The following TANC1 variants were observed in gnomAD, a reference collection of about 807,000 sequenced individuals.
TANC1 encodes the protein tetratricopeptide repeat, ankyrin repeat and coiled-coil containing 1.
A neutral mutation model predicts 149.7 loss-of-function variants in TANC1; 77 were observed. The observed-to-expected ratio is 0.51, with a 90% CI of 0.43 to 0.62. The LOEUF is 0.62. TANC1 is among the 20% of genes least tolerant of loss of function. The pLI is 0.00. For missense variants in TANC1, 1,985 were observed against 2,321.8 expected (o/e 0.85, Z 2.98); for synonymous variants, 854 against 925.0 (o/e 0.92, Z 1.39).
At chr2:158,997,808 T>C (rs1457702890) in intron 1 of TANC1, among the ~76,000 whole-genome samples, 1 of 152,192 alleles carries the variant, frequency 6.6e-6, no homozygotes, top group Non-Finnish European at 1.5e-5. Context: ...TTTCGAGTAA[T>C]GTTTGCAGAT....
At chr2:159,150,793 AGGAATTCCAGATCAGATCTGGCCTGTG>A in intron 7 of TANC1, 1 of 416,900 alleles carries the variant, frequency 2.4e-6, no homozygotes, top group Non-Finnish European at 4.3e-6. Context: ...AAAAAAAAAA[AGGAATTCCAGATCAGATCTGGCCTGTG>A]AAACAAAAAT....
At chr2:159,018,601 T>C (rs1477073624) in intron 2 of TANC1, among the ~76,000 whole-genome samples, 4 of 152,232 alleles carry the variant, frequency 2.6e-5, no homozygotes, top group Admixed American at 2.6e-4. Flanking sequence ...CCAGAACTTT[T>C]TTATCACCCC....
chr2:159,061,704 C>T (rs1003914241), intron 2 of TANC1, among the ~76,000 whole-genome samples: 5 of 152,142 alleles, frequency 3.3e-5, no homozygotes, highest in African/African-American at 9.7e-5. Flanking sequence ...GGGTGTCAGC[C>T]ATGAACTTTG....
chr2:159,023,060 T>C (rs1222576706), intron 2 of TANC1, among the ~76,000 whole-genome samples: 1 of 152,190 alleles, frequency 6.6e-6, no homozygotes, highest in African/African-American at 2.4e-5. Context: ...CATAATGGGA[T>C]GAGTGGCATA....
intron 3 of TANC1, among the ~76,000 whole-genome samples, chr2:159,090,817 A>G (rs1242662143): frequency 6.6e-6 from 1 of 152,204 alleles, no homozygotes; most frequent in Non-Finnish European, 1.5e-5. Context: ...AATGTCCAGT[A>G]CCCACGGAGA....
intron 1 of TANC1, among the ~76,000 whole-genome samples, chr2:158,990,307 A>G (rs993126448): frequency 1.3e-5 from 2 of 152,222 alleles, no homozygotes; most frequent in African/African-American, 4.8e-5. Flanking sequence ...CTAGCACATA[A>G]TAGATGTTCA....
At chr2:159,116,936 C>T (rs2048326616) in intron 4 of TANC1, among the ~76,000 whole-genome samples, 1 of 152,202 alleles carries the variant, frequency 6.6e-6, no homozygotes, top group African/African-American at 2.4e-5. Context: ...ATTTGAACTT[C>T]AGTCTAATTC....
intron 2 of TANC1, among the ~76,000 whole-genome samples, chr2:159,028,827 C>G (rs1442745439): frequency 6.6e-6 from 1 of 152,206 alleles, no homozygotes; most frequent in Non-Finnish European, 1.5e-5. Context: ...GATGCAGTGG[C>G]TTGAGTGTAG....
chr2:159,115,482 G>A (rs987221174), intron 4 of TANC1, among the ~76,000 whole-genome samples: 1 of 152,120 alleles, frequency 6.6e-6, no homozygotes, highest in African/African-American at 2.4e-5. Context: ...TTGTACATGA[G>A]AATTAGGGAA....
intron 2 of TANC1, among the ~76,000 whole-genome samples, chr2:159,045,713 G>A (rs2040987135): frequency 1.3e-5 from 2 of 152,146 alleles, no homozygotes; most frequent in South Asian, 2.1e-4. Context: ...AGCCTGAGCC[G>A]ACGTTTAGGG....
intron 3 of TANC1, among the ~76,000 whole-genome samples, chr2:159,092,722 C>A (rs950602278): frequency 2.6e-5 from 4 of 152,076 alleles, no homozygotes; most frequent in Non-Finnish European, 5.9e-5. Flanking sequence ...TTAAAAGAAG[C>A]AAAGGAGTGT....
At chr2:158,995,210 A>G (rs1033307103) in intron 1 of TANC1, among the ~76,000 whole-genome samples, 1 of 152,160 alleles carries the variant, frequency 6.6e-6, no homozygotes, top group South Asian at 2.1e-4. Flanking sequence ...CTGTATTTAC[A>G]TATGTGATCT....
rs183554735 is a variant in TANC1, at chr2:159,044,294, G to T, written c.-15-21602G>T. Among the ~76,000 whole-genome samples, 518 of 151,984 alleles carry T rather than the reference G, an allele frequency of 3.4e-3. 6 individuals carry two copies. The highest frequency in any genetic ancestry group is 0.011 in the African/African-American group (476 of 41,442). On this transcript the variant is annotated intron_variant, in intron 2 of 26. Transcript: ENST00000263635. ...AAACAGAACAAAACAAAAATGGCTG[G>T]GTTATGGTGGCATGCACCTGTAGTC...
intron 4 of TANC1, among the ~76,000 whole-genome samples, chr2:159,126,807 A>T (rs868400758): frequency 6.6e-6 from 1 of 152,398 alleles, no homozygotes; most frequent in South Asian, 2.1e-4. Context: ...TTGCCATCTT[A>T]ACCGAGAGCA....
At chr2:159,005,060 C>T (rs2037020751) in intron 2 of TANC1, among the ~76,000 whole-genome samples, 1 of 152,194 alleles carries the variant, frequency 6.6e-6, no homozygotes, top group African/African-American at 2.4e-5. Context: ...AGGCGCAGAT[C>T]ACTCATGCTA....
intron 14 of TANC1, among the ~76,000 whole-genome samples, chr2:159,179,971 C>T (rs1298586853): frequency 6.6e-6 from 1 of 152,182 alleles, no homozygotes; most frequent in East Asian, 1.9e-4. Context: ...CCAGAATTGC[C>T]CCCTGCTGTA....
intron 1 of TANC1, among the ~76,000 whole-genome samples, chr2:158,993,348 C>T (rs2035852421): frequency 6.6e-6 from 1 of 152,242 alleles, no homozygotes; most frequent in East Asian, 1.9e-4. Flanking sequence ...GCCTCCTAGG[C>T]TCAAGCGATC....
chr2:158,971,882 T>G (rs1373988555), intron 1 of TANC1, among the ~76,000 whole-genome samples: 1 of 152,240 alleles, frequency 6.6e-6, no homozygotes, highest in Non-Finnish European at 1.5e-5. Flanking sequence ...GAGTTGAACT[T>G]GAACCAGAGT....
At chr2:159,009,775 GATAA>G (rs1255678419) in intron 2 of TANC1, among the ~76,000 whole-genome samples, 1 of 152,050 alleles carries the variant, frequency 6.6e-6, no homozygotes, top group African/African-American at 2.4e-5. Flanking sequence ...ACAAAGAAAT[GATAA>G]ATGTTTGAGG....
Sources: allele counts gnomAD v4.1 joint callset (sites outside exome capture counted in the v4.1 genomes callset), GRCh38; gene constraint gnomAD v4.1.1; transcripts MANE v1.5; gene names NCBI Gene and HGNC (gene_info 2026-07-23, HGNC 2026-07-21).